NTRK2: variants seen among roughly 807,000 people sequenced by gnomAD.
The protein encoded by NTRK2 is BDNF/NT-3 growth factors receptor.
A neutral mutation model predicts 94.5 loss-of-function variants in NTRK2; 13 were observed. The ratio of observed to expected loss-of-function variants is 0.14; its 90% confidence interval spans 0.09 to 0.22. The LOEUF (loss-of-function observed/expected upper bound fraction) is 0.22. NTRK2 is among the 10% of genes least tolerant of loss of function. The pLI is 1.00. For synonymous variants in NTRK2, 372 were observed against 407.4 expected (o/e 0.91, Z 1.05); for missense variants, 639 against 1,071.2 (o/e 0.60, Z 5.63).
intron 2 of NTRK2, among the ~76,000 whole-genome samples, chr9:84,671,757 G>A (rs1022661320): frequency 2.0e-5 from 3 of 152,206 alleles, no homozygotes; most frequent in Non-Finnish European, 4.4e-5. Flanking sequence ...TTGGACCTCT[G>A]TGTCCCTGGA....
At chr9:84,733,803 A>C (rs7044057) in intron 9 of NTRK2, among the ~76,000 whole-genome samples, 2,148 of 152,318 alleles carry the variant, frequency 0.014, 51 homozygotes, top group African/African-American at 0.05. Flanking sequence ...ACCTCTTTAA[A>C]TCTTCTTTCT....
intron 17 of NTRK2, among the ~76,000 whole-genome samples, chr9:84,995,716 C>T (rs1426167358): frequency 6.6e-6 from 1 of 152,188 alleles, no homozygotes. Flanking sequence ...TAGCAAATGG[C>T]ATGGAATATG....
At chr9:84,934,928 G>C (rs949736983) in intron 15 of NTRK2, among the ~76,000 whole-genome samples, 13 of 152,232 alleles carry the variant, frequency 8.5e-5, no homozygotes, top group African/African-American at 3.1e-4. Context: ...TCAAAAAGGA[G>C]TCCTGGTCTT....
intron 1 of NTRK2, among the ~76,000 whole-genome samples, 200 bp from the exon 2 acceptor site, chr9:84,670,177 G>C (rs1302498762): frequency 5.9e-5 from 9 of 152,282 alleles, no homozygotes; most frequent in Middle Eastern, 3.4e-3. Flanking sequence ...CTCGAAGAGA[G>C]AGTGGGCACA....
intron 9 of NTRK2, among the ~76,000 whole-genome samples, chr9:84,732,673 G>T (rs2132160771): frequency 6.6e-6 from 1 of 152,268 alleles, no homozygotes; most frequent in East Asian, 1.9e-4. Flanking sequence ...GGCAGTATGG[G>T]GTCAGGGATG....
intron 2 of NTRK2, among the ~76,000 whole-genome samples, chr9:84,681,389 C>A (rs2059382219): frequency 6.6e-6 from 1 of 152,174 alleles, no homozygotes; most frequent in Admixed American, 6.5e-5. Context: ...CTTGTCAATC[C>A]ATTTTCCTAA....
intron 14 of NTRK2, among the ~76,000 whole-genome samples, chr9:84,929,684 C>T (rs879874650): frequency 3.9e-5 from 6 of 152,144 alleles, no homozygotes; most frequent in South Asian, 2.1e-4. Flanking sequence ...GCCTCAGTCT[C>T]CCGGGTAGCT....
At chr9:84,850,014 A>T (rs537216639) in intron 12 of NTRK2, among the ~76,000 whole-genome samples, 1 of 152,216 alleles carries the variant, frequency 6.6e-6, no homozygotes, top group Non-Finnish European at 1.5e-5. Context: ...GAGAAATAAG[A>T]TTACATAAAT....
At chr9:84,690,344 G>T (rs1365740680) in intron 2 of NTRK2, among the ~76,000 whole-genome samples, 1 of 152,118 alleles carries the variant, frequency 6.6e-6, no homozygotes, top group Admixed American at 6.5e-5. Flanking sequence ...TTTTCTTCTT[G>T]TGAAATGATT....
intron 17 of NTRK2, among the ~76,000 whole-genome samples, chr9:84,962,466 G>A (rs1183890600): frequency 6.6e-6 from 1 of 151,392 alleles, no homozygotes; most frequent in East Asian, 1.9e-4. Flanking sequence ...GCTAGCAGTA[G>A]ATGGGTAAAT....
chr9:84,724,827 G>A (rs535917518), intron 8 of NTRK2, among the ~76,000 whole-genome samples: 4 of 152,300 alleles, frequency 2.6e-5, no homozygotes, highest in Admixed American at 6.5e-5. Flanking sequence ...GTTTCTGTGA[G>A]AAGGTAGGAT....
chr9:84,670,737 T>C lies in NTRK2; in HGVS notation c.-12T>C, dbSNP rs1487995169. 4 of 1,611,580 alleles carry C rather than the reference T, an allele frequency of 2.5e-6. No homozygotes were observed. In the African/African-American group the frequency reaches 4.0e-5, roughly 16 times the overall value. Reference sequence around the variant, plus strand: ...CGGGGACAGGCACTCGGGCTGGCACTGGCTGCTAGGGATGTCGTCCTGGAT... The same window carrying C: ...CGGGGACAGGCACTCGGGCTGGCACCGGCTGCTAGGGATGTCGTCCTGGAT... On this transcript the variant is annotated 5_prime_UTR_variant, in exon 2 of 19. Transcript: ENST00000277120.
chr9:84,682,424 A>C (rs1035153183), intron 2 of NTRK2, among the ~76,000 whole-genome samples: 5 of 152,170 alleles, frequency 3.3e-5, no homozygotes, highest in Admixed American at 6.5e-5. Flanking sequence ...TGTTACAAAG[A>C]GTGTACCTTC....
intron 12 of NTRK2, among the ~76,000 whole-genome samples, chr9:84,757,385 A>G (rs568299349): frequency 6.6e-6 from 1 of 152,366 alleles, no homozygotes; most frequent in Non-Finnish European, 1.5e-5. Context: ...TGATTCCATA[A>G]GGAAATTATA....
At chr9:84,964,559 G>A (rs529279793) in intron 17 of NTRK2, among the ~76,000 whole-genome samples, 1 of 152,214 alleles carries the variant, frequency 6.6e-6, no homozygotes, top group East Asian at 1.9e-4. Flanking sequence ...TTCTTTCTAC[G>A]TGCAGCTCTC....
At chr9:85,013,999 T>G (rs1831934383) in intron 17 of NTRK2, among the ~76,000 whole-genome samples, 1 of 152,246 alleles carries the variant, frequency 6.6e-6, no homozygotes. Flanking sequence ...GAGAGGCATT[T>G]GCTTTGGGTC....
chr9:84,889,511 C>T (rs1011592807), intron 14 of NTRK2, among the ~76,000 whole-genome samples: 4 of 152,210 alleles, frequency 2.6e-5, no homozygotes, highest in African/African-American at 9.6e-5. Context: ...ATCCTGGGTT[C>T]AAGTGATTCT....
At chr9:84,797,594 A>G (rs1423222202) in intron 12 of NTRK2, among the ~76,000 whole-genome samples, 1 of 81,888 alleles carries the variant, frequency 1.2e-5, no homozygotes, top group Non-Finnish European at 2.2e-5. Context: ...TACTATATAT[A>G]CTATATATTA....
intron 17 of NTRK2, among the ~76,000 whole-genome samples, chr9:84,975,542 G>A (rs560744244): frequency 6.6e-6 from 1 of 152,324 alleles, no homozygotes; most frequent in East Asian, 1.9e-4. Context: ...CACAGGCAGT[G>A]CAGCAGCCGC....
Sources: allele counts gnomAD v4.1 joint callset (sites outside exome capture counted in the v4.1 genomes callset), GRCh38; gene constraint gnomAD v4.1.1; transcripts MANE v1.5; gene names NCBI Gene and HGNC (gene_info 2026-07-23, HGNC 2026-07-21).